The following FAT1 variants were observed in gnomAD, a reference collection of about 807,000 sequenced individuals.
The protein encoded by FAT1 is protocadherin Fat 1.
FAT1 carries 171 observed loss-of-function variants against 329.8 expected under a neutral mutation model. That is an observed-to-expected ratio of 0.52 (90% CI 0.46 to 0.59). FAT1 has a LOEUF of 0.59. FAT1 is among the 20% of genes least tolerant of loss of function. The pLI is 0.00. For missense variants in FAT1, 5,672 were observed against 5,774.4 expected, an observed-to-expected ratio of 0.98 and a Z score of 0.57; for synonymous variants, 2,233 against 2,228.6, an observed-to-expected ratio of 1.00 and a Z score of -0.06.
At chr4:186,671,657 C>CATT (rs1409906952) in intron 2 of FAT1, among the ~76,000 whole-genome samples, 2 of 151,514 alleles carry the variant, frequency 1.3e-5, no homozygotes, top group African/African-American at 4.8e-5. Context: ...CAAGACGTGT[C>CATT]ATTGCACTGC....
In FAT1 at chr4:186,600,326, C is replaced by T. The variant is rs2126415035; in HGVS notation, c.11675G>A (p.Cys3892Tyr). The T allele has an allele frequency of 6.2e-7, 1 of 1,613,442 alleles. No homozygotes were observed. Among genetic ancestry groups the T allele is most frequent in the South Asian group, 1.1e-5 (1 of 90,882 alleles). The change falls in exon 22 of 27, where the codon TGT (cysteine) becomes TAT (tyrosine). Residue 3892 changes from cysteine (C) to tyrosine (Y), a missense_variant. This residue lies in a region of FAT1 where 1,706 missense variants were observed against 1,859.1 expected (regional missense o/e 0.92). Coordinates refer to ENST00000441802, the MANE Select transcript of FAT1 (RefSeq NM_005245.4). ...AGAGACAATTCCAGGGCCACTTCCA[C>T]AGTCAAACTTGTACTGCAGCCTTCC... ...HHGRLQYKFD[C>Y]GSGPGIVSVQ...
chr4:186,627,559 C>G (rs1483209812), intron 9 of FAT1, among the ~76,000 whole-genome samples: 7 of 152,156 alleles, frequency 4.6e-5, no homozygotes, highest in Non-Finnish European at 8.8e-5. Context: ...CAAGCCCCAC[C>G]CCAGCAGGCC....
intron 20 of FAT1, 92 bp downstream of exon 20, chr4:186,602,811 A>G: frequency 1.5e-6 from 2 of 1,336,544 alleles, no homozygotes; most frequent in Non-Finnish European, 2.1e-6. Context: ...CATACTTTGC[A>G]ATATTTTTAG....
chr4:186,703,088 CGT>C (rs1744404028), intron 2 of FAT1, among the ~76,000 whole-genome samples: 1 of 152,104 alleles, frequency 6.6e-6, no homozygotes, highest in Non-Finnish European at 1.5e-5. Flanking sequence ...AGGGCAGTCA[CGT>C]GGCATGGATC....
rs771131133 is a variant in FAT1 at position 186,600,079 on chromosome 4, C to G, written c.11922G>C (p.Arg3974Ser). Residue 3974 changes from arginine to serine, a missense_variant, in exon 22 of 27, where the codon AGG becomes AGC. By Grantham distance (110) the Arg-to-Ser change is moderately radical (BLOSUM62 -1). Coordinates refer to ENST00000441802, the MANE Select transcript of FAT1 (RefSeq NM_005245.4). Reference protein sequence around the residue: ...GRSPQVGNGFRGCMDSIYLNG... With the variant: ...GRSPQVGNGFSGCMDSIYLNG... ...TCAAATAAATGGAGTCCATACAACC[C>G]CTGAAACCATTACCAACTTGAGGAC... is the stretch of plus-strand genomic sequence containing the variant. The G allele has an allele frequency of 5.0e-6, 8 of 1,613,916 alleles. No homozygotes were observed. The highest frequency in any genetic ancestry group is 1.7e-5 in the Admixed American group (1 of 60,008).
At chr4:186,668,319 G>A (rs1742556442) in intron 2 of FAT1, among the ~76,000 whole-genome samples, 1 of 152,116 alleles carries the variant, frequency 6.6e-6, no homozygotes. Context: ...CAAGACGAAG[G>A]TCCAGGATGG....
At chr4:186,653,516 T>G (rs1741766366) in intron 3 of FAT1, among the ~76,000 whole-genome samples, 1 of 152,194 alleles carries the variant, frequency 6.6e-6, no homozygotes, top group Admixed American at 6.5e-5. Context: ...TCAAAATAAT[T>G]TTAAAAATCA....
chr4:186,677,642 A>ATATGCTCAGTATATG (rs1186106135), intron 2 of FAT1, among the ~76,000 whole-genome samples: 2 of 152,188 alleles, frequency 1.3e-5, no homozygotes, highest in African/African-American at 4.8e-5. Context: ...CTCCTACAAT[A>ATATGCTCAGTATATG]CCCAGTATAT....
chr4:186,671,524 C>A (rs1742727205), intron 2 of FAT1, among the ~76,000 whole-genome samples: 1 of 151,806 alleles, frequency 6.6e-6, no homozygotes, highest in Non-Finnish European at 1.5e-5. Flanking sequence ...ATGTTGAAAC[C>A]CCGTCTCTAC....
In FAT1 at chr4:186,633,724, G is replaced by A. The variant is rs1260434217; in HGVS notation, c.4283C>T (p.Thr1428Ile). The A allele has an allele frequency of 6.2e-7, 1 of 1,613,924 alleles. No homozygotes were observed. The highest frequency in any genetic ancestry group is 8.5e-7 in the Non-Finnish European group (1 of 1,179,854). ...GGTGGTTCCATCTGTAGCCTCGACT[G>A]TGAGGTTGTAGTTTGACTTCTGTTC... ...DAEQKSNYNL[T>I]VEATDGTTTI... Residue 1428 changes from threonine to isoleucine, a missense_variant, in exon 7 of 27, where the codon ACA becomes ATA. By Grantham distance (89) the Thr-to-Ile change is moderately conservative. This residue lies in a region of FAT1 where 3,966 missense variants were observed against 3,915.2 expected (regional missense o/e 1.01). Coordinates refer to ENST00000441802, the MANE Select transcript of FAT1 (RefSeq NM_005245.4).
At chr4:186,655,720 A>G (rs1272672185) in intron 3 of FAT1, among the ~76,000 whole-genome samples, 1 of 152,206 alleles carries the variant, frequency 6.6e-6, no homozygotes, top group Non-Finnish European at 1.5e-5. Context: ...GGCACGAGCC[A>G]CCACACCCAG....
rs2126387994 is a variant in FAT1 at position 186,596,662 on chromosome 4, T to C, written c.12878A>G (p.His4293Arg). The change falls in exon 25 of 27, where the codon CAC (histidine) becomes CGC (arginine). Residue 4293 changes from histidine (H) to arginine (R), a missense_variant. Physicochemically the swap from His to Arg is conservative, Grantham distance 29 (BLOSUM62 0). This residue lies in a region of FAT1 where 1,706 missense variants were observed against 1,859.1 expected (regional missense o/e 0.92). Coordinates refer to ENST00000441802, the MANE Select transcript of FAT1 (RefSeq NM_005245.4). The surrounding 1 kb of genome is among the most constrained non-coding windows in gnomAD (Gnocchi z 4.7). ...GACCGCCACTGCTTTTCGGTGCCCG[T>C]GCACAGACTCGGGGTTAAAAGTGCT... Reference protein sequence around the residue: ...EFSTFNPESVHGHRKAVAVCS... With the variant: ...EFSTFNPESVRGHRKAVAVCS... The C allele has an allele frequency of 6.2e-7, 1 of 1,612,204 alleles. No individual in the cohort carries two copies. The highest frequency in any genetic ancestry group is 2.2e-5 in the East Asian group (1 of 44,856).
At position 186,617,892 on chromosome 4, in the gene FAT1, T is replaced by A. The variant is rs1385983003; in HGVS notation, c.8694A>T (p.Leu2898=). 6.2e-7 allele frequency: 1 copy of A among 1,614,034 alleles called. No homozygotes were observed. Residue 2898 remains leucine (L), a synonymous_variant, in exon 10 of 27, where the codon CTA becomes CTT. Transcript: ENST00000441802. The part of the protein sequence containing the change: ...VASDHGEKIQ[L]SSTAIVDVTV... ...TAACATCCACAATGGCTGTGGAGGA[T>A]AGCTGGATCTTTTCACCATGATCTG... is the stretch of plus-strand genomic sequence containing the variant.
chr4:186,605,216 GAAAAA>G (rs34790170), intron 17 of FAT1, among the ~76,000 whole-genome samples: 18 of 67,492 alleles, frequency 2.7e-4, no homozygotes, highest in Admixed American at 2.4e-3. Context: ...CTCCATCTCA[GAAAAA>G]AAAAAAAAAA....
intron 3 of FAT1, 93 bp from the exon 4 acceptor site, chr4:186,639,876 C>G (rs978551746): frequency 2.8e-6 from 3 of 1,075,286 alleles, no homozygotes; most frequent in Non-Finnish European, 4.2e-6. Context: ...GGTGCGGTAG[C>G]TCATGCCTTA....
intron 2 of FAT1, among the ~76,000 whole-genome samples, chr4:186,696,110 T>C (rs1471242759): frequency 5.9e-5 from 9 of 152,188 alleles, no homozygotes; most frequent in East Asian, 1.9e-4. Flanking sequence ...AGAACACTTA[T>C]TTTAAAAATT....
At chr4:186,693,794 A>C (rs1348395901) in intron 2 of FAT1, among the ~76,000 whole-genome samples, 2 of 150,436 alleles carry the variant, frequency 1.3e-5, no homozygotes, top group African/African-American at 5.0e-5. Context: ...ATATTGGCCC[A>C]AAGACAATAA....
intron 1 of FAT1, among the ~76,000 whole-genome samples, chr4:186,716,670 G>C (rs1745222088): frequency 6.6e-6 from 1 of 152,162 alleles, no homozygotes; most frequent in African/African-American, 2.4e-5. Context: ...GACCTGCCTG[G>C]ACCTCCCAAA....
At chr4:186,604,325 G>T in intron 18 of FAT1, 52 bp downstream of exon 18, 1 of 1,450,706 alleles carries the variant, frequency 6.9e-7, no homozygotes, top group Non-Finnish European at 9.5e-7. Context: ...ACCACGCCAA[G>T]CAGCTCTTCT....
Sources: gnomAD v4.1 joint callset for allele counts (sites outside exome capture counted in the v4.1 genomes callset) on GRCh38, gnomAD v4.1.1 for gene constraint, gnomAD v4.1.1 regional missense constraint, Gnocchi (gnomAD v3.1) non-coding constraint, MANE v1.5 for transcripts, NCBI Gene and HGNC (gene_info 2026-07-23, HGNC 2026-07-21) for gene names.